UBAP2: variants seen among roughly 807,000 people sequenced by gnomAD.
The protein encoded by UBAP2 is ubiquitin-associated protein 2.
UBAP2 carries 75 observed loss-of-function variants against 139.6 expected under a neutral mutation model. That is an observed-to-expected ratio of 0.54 (90% CI 0.45 to 0.65). The LOEUF (loss-of-function observed/expected upper bound fraction) is 0.65. Ranked by LOEUF, UBAP2 falls within the 30% of genes least tolerant of loss-of-function variation. The pLI is 0.00. For missense variants in UBAP2, 1,368 were observed against 1,369.6 expected, an observed-to-expected ratio of 1.00 and a Z score of 0.02; for synonymous variants, 526 against 526.2, an observed-to-expected ratio of 1.00 and a Z score of 0.01.
intron 6 of UBAP2, among the ~76,000 whole-genome samples, chr9:33,985,668 TGGGTATAGA>T (rs1821144021): frequency 6.6e-6 from 1 of 151,788 alleles, no homozygotes; most frequent in Non-Finnish European, 1.5e-5. Context: ...GAGAAGGTGA[TGGGTATAGA>T]GGGTGGGGAA....
At chr9:34,047,406 T>G (rs1386449753) in intron 1 of UBAP2, among the ~76,000 whole-genome samples, 1 of 151,898 alleles carries the variant, frequency 6.6e-6, no homozygotes, top group East Asian at 1.9e-4. Flanking sequence ...CTCCAGGGAG[T>G]GGAATACATT....
Position 33,922,472 on chromosome 9 carries a change from G to T in UBAP2, c.*32C>A. ...GTGTGTTCTCTCCTGCCCAGGATAA[G>T]CCTTGCCCCAGCCCACCCCTCTCTT... On this transcript the variant is annotated 3_prime_UTR_variant, in exon 29 of 29. Transcript: ENST00000379238. 1 of 1,601,908 alleles carries T rather than the reference G, an allele frequency of 6.2e-7. No homozygotes were observed.
chr9:34,035,514 A>AAAAAAAAAAATATATATATATAT, intron 1 of UBAP2, among the ~76,000 whole-genome samples: 3 of 22,490 alleles, frequency 1.3e-4, no homozygotes, highest in African/African-American at 2.5e-4. Context: ...AAAAAAAAAA[A>AAAAAAAAAAATATATATATATAT]ATATATATAT....
At position 33,988,976 on chromosome 9, in the gene UBAP2, C is replaced by T; in HGVS notation, c.439G>A (p.Glu147Lys). Residue 147 changes from glutamate to lysine, a missense_variant, in exon 5 of 29, where the codon GAA becomes AAA. Glu to Lys is a moderately conservative substitution (Grantham distance 56, BLOSUM62 1). Coordinates refer to ENST00000379238, the MANE Select transcript of UBAP2 (RefSeq NM_001370062.2). ...TGAGGAGAAAGTCTGTACTTACATT[C>T]TCTGCCACGATTGCCGCCTCTTCCT... ...RKGRGGNRGR[E>K]FRGEENGIDC... 6.2e-7 allele frequency: 1 copy of T among 1,611,506 alleles called. No individual in the cohort carries two copies. Among genetic ancestry groups the T allele is most frequent in the East Asian group, 2.2e-5 (1 of 44,818 alleles).
chr9:33,939,907 ATGGGG>A (rs1455588367), intron 16 of UBAP2, among the ~76,000 whole-genome samples: 2 of 11,936 alleles, frequency 1.7e-4, no homozygotes, highest in Non-Finnish European at 1.8e-4. Flanking sequence ...GAGGAGGAGG[ATGGGG>A]AGGAGAAGAA....
chr9:33,977,879 G>A (rs1037370273), intron 6 of UBAP2, among the ~76,000 whole-genome samples: 4 of 151,522 alleles, frequency 2.6e-5, no homozygotes, highest in Non-Finnish European at 5.9e-5. Context: ...TAGCCAGGAT[G>A]GTCTCAATCT....
At chr9:33,960,695 G>A in intron 10 of UBAP2, 131 bp downstream of exon 10, 1 of 790,232 alleles carries the variant, frequency 1.3e-6, no homozygotes, top group African/African-American at 1.7e-5. Flanking sequence ...CAGAAGAACT[G>A]CTTGAATCTG....
At chr9:34,032,715 G>A (rs1350399250) in intron 1 of UBAP2, among the ~76,000 whole-genome samples, 2 of 152,002 alleles carry the variant, frequency 1.3e-5, no homozygotes, top group African/African-American at 4.8e-5. Context: ...CTTGAGGTCC[G>A]GAGTTTGAGA....
chr9:33,945,567 C>T (rs924163709), intron 13 of UBAP2, among the ~76,000 whole-genome samples: 4 of 152,188 alleles, frequency 2.6e-5, no homozygotes, highest in Non-Finnish European at 5.9e-5. Flanking sequence ...CTCTTCCACA[C>T]CACTCTCCCA....
intron 8 of UBAP2, chr9:33,968,394 G>A (rs559006059): frequency 3.5e-6 from 2 of 568,354 alleles, no homozygotes; most frequent in East Asian, 4.6e-5. Flanking sequence ...CTGGTGATGA[G>A]GAAGCAAGAC....
At chr9:33,948,205 G>GC (rs1825805332) in intron 13 of UBAP2, among the ~76,000 whole-genome samples, 169 bp downstream of exon 13, 1 of 152,088 alleles carries the variant, frequency 6.6e-6, no homozygotes, top group African/African-American at 2.4e-5. Context: ...ACAAATAAAT[G>GC]CAAGTATTGT....
intron 2 of UBAP2, among the ~76,000 whole-genome samples, chr9:34,007,642 A>ATT (rs1554689984): frequency 3.1e-4 from 37 of 120,308 alleles, no homozygotes; most frequent in East Asian, 1.8e-3. Context: ...TGTATGTTTT[A>ATT]TTTTTATTTT....
chr9:34,020,393 C>T (rs915295159), intron 1 of UBAP2, among the ~76,000 whole-genome samples: 4 of 151,200 alleles, frequency 2.6e-5, no homozygotes, highest in African/African-American at 9.7e-5. Context: ...AGTGCGATCT[C>T]GGCTCACTGC....
At chr9:33,965,573 G>C (rs1405901363) in intron 8 of UBAP2, among the ~76,000 whole-genome samples, 1 of 152,140 alleles carries the variant, frequency 6.6e-6, no homozygotes, top group Non-Finnish European at 1.5e-5. Context: ...TGTACTTTCA[G>C]GTTTCATGTT....
chr9:34,023,629 T>C (rs2131303800), intron 1 of UBAP2, among the ~76,000 whole-genome samples: 1 of 152,354 alleles, frequency 6.6e-6, no homozygotes, highest in East Asian at 1.9e-4. Flanking sequence ...AATAGTTGCT[T>C]TGTGAAACAT....
chr9:34,027,806 G>A (rs942243547), intron 1 of UBAP2, among the ~76,000 whole-genome samples: 2 of 150,736 alleles, frequency 1.3e-5, no homozygotes, highest in African/African-American at 4.9e-5. Context: ...AGCTTGCAGT[G>A]AGCCGAGATT....
intron 1 of UBAP2, among the ~76,000 whole-genome samples, chr9:34,025,617 T>A (rs970679092): frequency 1.3e-5 from 2 of 152,164 alleles, no homozygotes; most frequent in African/African-American, 4.8e-5. Flanking sequence ...GAAAAAATTG[T>A]CTAAATGTAA....
At chr9:33,950,534 G>A (rs961623630) in intron 12 of UBAP2, among the ~76,000 whole-genome samples, 1 of 152,202 alleles carries the variant, frequency 6.6e-6, no homozygotes, top group Non-Finnish European at 1.5e-5. Context: ...GTTATGGACA[G>A]CTGTGACAGA....
Position 34,017,066 on chromosome 9 carries a change from T to C in UBAP2, c.83A>G (p.Gln28Arg), listed in dbSNP as rs1394858863. The change falls in exon 2 of 29, where the codon CAG becomes CGG. Residue 28 changes from glutamine to arginine, a missense_variant. Transcript: ENST00000379238. ...AAAACTTACCTGTACCACTTGTTTC[T>C]GTGGTTGCGTTGATTGTGCTGCTGA... Reference protein sequence around the residue: ...QISAAQSTQPQKQVVQATAEQ... With the variant: ...QISAAQSTQPRKQVVQATAEQ... 6.9e-6 allele frequency: 11 copies of C among 1,603,748 alleles called. No homozygotes were observed. The highest frequency in any genetic ancestry group is 9.3e-6 in the Non-Finnish European group (11 of 1,177,390).
Sources: gnomAD v4.1 joint callset for allele counts (sites outside exome capture counted in the v4.1 genomes callset) on GRCh38, gnomAD v4.1.1 for gene constraint, MANE v1.5 for transcripts, NCBI Gene and HGNC (gene_info 2026-07-23, HGNC 2026-07-21) for gene names.